The following ACACA variants were observed in gnomAD, a reference collection of about 807,000 sequenced individuals.
ACACA encodes the protein acetyl-CoA carboxylase alpha.
A neutral mutation model predicts 296.1 loss-of-function variants in ACACA; 103 were observed. The ratio of observed to expected loss-of-function variants is 0.35; its 90% CI spans 0.30 to 0.41. The LOEUF (loss-of-function observed/expected upper bound fraction) is 0.41. ACACA is among the 10% of genes least tolerant of loss of function. The pLI, the probability that ACACA is intolerant of heterozygous loss-of-function variation, is 1.00. For synonymous variants in ACACA, 953 were observed against 1,038.6 expected (o/e 0.92, Z 1.58); for missense variants, 1,554 against 2,989.7 (o/e 0.52, Z 11.20).
chr17:37,334,376 G>A (rs2048015603), intron 2 of ACACA, among the ~76,000 whole-genome samples: 1 of 151,976 alleles, frequency 6.6e-6, no homozygotes, highest in Non-Finnish European at 1.5e-5. Context: ...AGAGGGAAAG[G>A]AACTATTCCA....
At chr17:37,193,337 AT>A (rs35977079) in intron 36 of ACACA, 36 bp downstream of exon 36, 17,745 of 1,252,904 alleles carry the variant, frequency 0.014, 238 homozygotes, top group African/African-American at 0.081. Context: ...AGAAAAAGTA[AT>A]TTTTTTTTTT....
chr17:37,250,664 A>G (rs2080943794), intron 16 of ACACA, among the ~76,000 whole-genome samples: 1 of 151,912 alleles, frequency 6.6e-6, no homozygotes, highest in African/African-American at 2.4e-5. Flanking sequence ...TTAAACGCGA[A>G]AAAATTATAA....
chr17:37,340,740 A>G (rs1011732660), intron 1 of ACACA, among the ~76,000 whole-genome samples: 5 of 152,202 alleles, frequency 3.3e-5, no homozygotes. Flanking sequence ...AGAGGAAGGA[A>G]AAAGTTTGGA....
At chr17:37,118,541 T>C (rs1275009985) in intron 50 of ACACA, among the ~76,000 whole-genome samples, 1 of 152,200 alleles carries the variant, frequency 6.6e-6, no homozygotes, top group Non-Finnish European at 1.5e-5. Flanking sequence ...TCAGGAACCT[T>C]GACATTCTGT....
At chr17:37,216,125 A>AACACACACACAC (rs745794412) in intron 29 of ACACA, among the ~76,000 whole-genome samples, 22 of 124,548 alleles carry the variant, frequency 1.8e-4, no homozygotes, top group Non-Finnish European at 3.6e-4. Context: ...TAAAAAAGGA[A>AACACACACACAC]ACACACACAC....
intron 3 of ACACA, among the ~76,000 whole-genome samples, chr17:37,311,678 A>G (rs967907721): frequency 3.3e-5 from 5 of 152,086 alleles, no homozygotes; most frequent in Non-Finnish European, 5.9e-5. Context: ...CCAAATTACC[A>G]GAAGAGAAAA....
At chr17:37,399,803 A>G (rs530241621) in intron 1 of ACACA, among the ~76,000 whole-genome samples, 1 of 152,218 alleles carries the variant, frequency 6.6e-6, no homozygotes, top group African/African-American at 2.4e-5. Context: ...AAATAATGAG[A>G]GTCAGTTTAT....
At chr17:37,198,465 T>C (rs2078102111) in intron 35 of ACACA, among the ~76,000 whole-genome samples, 1 of 152,216 alleles carries the variant, frequency 6.6e-6, no homozygotes, top group African/African-American at 2.4e-5. Context: ...ATGTCTACCT[T>C]AGTTCTGATC....
At chr17:37,339,693 A>T (rs915926183) in intron 2 of ACACA, 111 bp downstream of exon 2, 6 of 730,278 alleles carry the variant, frequency 8.2e-6, no homozygotes, top group Admixed American at 2.1e-5. Context: ...AAATCTGCCT[A>T]TATTATTTTG....
chr17:37,205,152 G>A (rs945652732), intron 33 of ACACA, among the ~76,000 whole-genome samples: 1 of 152,140 alleles, frequency 6.6e-6, no homozygotes, highest in Non-Finnish European at 1.5e-5. Flanking sequence ...ACAGATTGTG[G>A]GTAGAGGGGT....
intron 28 of ACACA, 126 bp from the exon 29 acceptor site, chr17:37,221,968 G>A (rs1395071023): frequency 1.3e-6 from 1 of 772,892 alleles, no homozygotes; most frequent in Admixed American, 2.0e-5. Context: ...AAGTCCCAAG[G>A]CCCTATGTAT....
At chr17:37,094,580 C>G (rs377212277) in intron 54 of ACACA, among the ~76,000 whole-genome samples, 20 of 148,376 alleles carry the variant, frequency 1.3e-4, no homozygotes, top group Middle Eastern at 3.5e-3. Flanking sequence ...CCACCCCCCC[C>G]CCCCCACACC....
In ACACA at chr17:37,097,735, C is replaced by T; in HGVS notation, c.6720+95G>A. 3.4e-6 allele frequency: 5 copies of T among 1,477,050 alleles called. No homozygotes were observed. Among genetic ancestry groups the T allele is most frequent in the Non-Finnish European group, 4.6e-6 (5 of 1,077,386 alleles). 91.5% of individuals were successfully genotyped at this position (1,477,050 alleles called of 1,614,324 possible). A position where few individuals can be genotyped will look rare whatever the true frequency, so the allele number is the denominator to read the frequency against. On this transcript the variant is annotated intron_variant, in intron 53 of 55. Coordinates refer to ENST00000616317, the MANE Select transcript of ACACA (RefSeq NM_198834.3). The surrounding 1 kb of genome is among the most constrained non-coding windows in gnomAD (Gnocchi z 4.8). ...TCTGCAGAAGTTGTTTTAATTTGGC[C>T]CTCATAGCTCCCTGCTTATGAGCCT...
intron 3 of ACACA, among the ~76,000 whole-genome samples, chr17:37,305,590 T>A (rs2083835761): frequency 6.6e-6 from 1 of 152,342 alleles, no homozygotes; most frequent in Admixed American, 6.5e-5. Context: ...TCATGTCTCT[T>A]CTGTGCATGT....
chr17:37,229,170 A>C (rs1365986643), intron 25 of ACACA, among the ~76,000 whole-genome samples: 2 of 150,766 alleles, frequency 1.3e-5, no homozygotes, highest in Non-Finnish European at 3.0e-5. Flanking sequence ...CACACTAATC[A>C]CCTCCGCAAC....
intron 1 of ACACA, among the ~76,000 whole-genome samples, chr17:37,370,613 T>G (rs1290230943): frequency 1.3e-5 from 2 of 151,368 alleles, no homozygotes; most frequent in East Asian, 3.9e-4. Flanking sequence ...GCCGAGATTG[T>G]GCCACTGCAC....
At chr17:37,288,374 A>G (rs75072905) in intron 3 of ACACA, among the ~76,000 whole-genome samples, 196 of 152,286 alleles carry the variant, frequency 1.3e-3, no homozygotes, top group African/African-American at 4.5e-3. Flanking sequence ...AATCTCAAAA[A>G]CCTCATGTTC....
intron 1 of ACACA, chr17:37,391,588 C>A: frequency 1.3e-6 from 2 of 1,489,732 alleles, no homozygotes; most frequent in South Asian, 1.1e-5. Flanking sequence ...TTTCTTGGTA[C>A]ATGAAGAACT....
chr17:37,127,795 G>A (rs1396475873), intron 47 of ACACA, among the ~76,000 whole-genome samples: 1 of 144,568 alleles, frequency 6.9e-6, no homozygotes, highest in Non-Finnish European at 1.5e-5. Context: ...AGTGAGCCGA[G>A]ATCGCGCCAC....
Sources: allele counts gnomAD v4.1 joint callset (sites outside exome capture counted in the v4.1 genomes callset), GRCh38; gene constraint gnomAD v4.1.1; non-coding constraint Gnocchi (gnomAD v3.1); transcripts MANE v1.5; gene names NCBI Gene and HGNC (gene_info 2026-07-23, HGNC 2026-07-21).